CEP112: variants seen among roughly 807,000 people sequenced by gnomAD.
CEP112 encodes centrosomal protein 112, also known as centrosomal protein of 112 kDa.
A neutral mutation model predicts 153.0 loss-of-function variants in CEP112; 127 were observed. The observed-to-expected ratio is 0.83, with a 90% CI of 0.72 to 0.96. The LOEUF is 0.96. Among genes scored for constraint, CEP112 ranks in the 40% least tolerant of loss-of-function variants. CEP112 has a pLI of 0.00. For missense variants in CEP112, 1,089 were observed against 1,101.2 expected, an observed-to-expected ratio of 0.99 and a Z score of 0.16; for synonymous variants, 358 against 374.4, an observed-to-expected ratio of 0.96 and a Z score of 0.51.
chr17:66,053,791 G>T lies in CEP112; in HGVS notation c.1163C>A (p.Thr388Lys). 1.9e-6 allele frequency: 3 copies of T among 1,613,568 alleles called. 1 individual carries two copies. Among genetic ancestry groups the T allele is most frequent in the East Asian group, 2.2e-5 (1 of 44,850 alleles). ...TENIQELLED[T>K]NVRLNKMESE... ...CTCCATTTTATTCAGACGCACATTT[G>T]TATCCTCAAGCAATTCTTGAATGTT... Residue 388 changes from threonine (T) to lysine (K), a missense_variant, in exon 12 of 27, where the codon ACA becomes AAA. By Grantham distance (78) the Thr-to-Lys change is moderately conservative. Transcript: ENST00000535342.
At chr17:65,718,594 G>A (rs1204794981) in intron 23 of CEP112, among the ~76,000 whole-genome samples, 1 of 151,980 alleles carries the variant, frequency 6.6e-6, no homozygotes, top group South Asian at 2.1e-4. Flanking sequence ...TTTTGGGAGG[G>A]TTTAGTTTAG....
At chr17:65,744,916 G>A (rs747108013) in intron 22 of CEP112, among the ~76,000 whole-genome samples, 1 of 152,082 alleles carries the variant, frequency 6.6e-6, no homozygotes, top group East Asian at 1.9e-4. Context: ...AATTCTTTTG[G>A]TCCTAAGCAG....
intron 4 of CEP112, among the ~76,000 whole-genome samples, chr17:66,145,951 A>G (rs1363460357): frequency 6.6e-6 from 1 of 152,172 alleles, no homozygotes; most frequent in Admixed American, 6.5e-5. Context: ...AAATACATAA[A>G]TTTTCAAATG....
At chr17:65,828,695 AT>A (rs1271520912) in intron 21 of CEP112, among the ~76,000 whole-genome samples, 1 of 58,992 alleles carries the variant, frequency 1.7e-5, no homozygotes, top group Non-Finnish European at 3.1e-5. Flanking sequence ...TTCTTTTTTG[AT>A]TTATCAGTAT....
intron 24 of CEP112, among the ~76,000 whole-genome samples, chr17:65,660,882 C>T (rs982760136): frequency 1.3e-5 from 2 of 152,040 alleles, no homozygotes; most frequent in Non-Finnish European, 2.9e-5. Context: ...ATGTCACCAT[C>T]CTGCTTCTAG....
intron 21 of CEP112, among the ~76,000 whole-genome samples, chr17:65,777,180 C>T (rs2053728020): frequency 6.6e-6 from 1 of 152,288 alleles, no homozygotes; most frequent in African/African-American, 2.4e-5. Context: ...TTGGATTCTT[C>T]TCTGTCCACT....
chr17:66,091,220 T>C (rs1258992580), intron 8 of CEP112, among the ~76,000 whole-genome samples: 1 of 152,136 alleles, frequency 6.6e-6, no homozygotes, highest in African/African-American at 2.4e-5. Context: ...AAATGTACCA[T>C]TCAGTGGCCA....
chr17:65,790,700 G>T (rs1234009508), intron 21 of CEP112, among the ~76,000 whole-genome samples: 1 of 152,174 alleles, frequency 6.6e-6, no homozygotes, highest in Non-Finnish European at 1.5e-5. Flanking sequence ...GCTTTTCACA[G>T]TGATGCTCTA....
chr17:66,158,486 C>T (rs2071543468), intron 4 of CEP112, among the ~76,000 whole-genome samples: 1 of 152,046 alleles, frequency 6.6e-6, no homozygotes, highest in Non-Finnish European at 1.5e-5. Flanking sequence ...GTGGTGGGCG[C>T]CTGTAGTCCC....
intron 24 of CEP112, among the ~76,000 whole-genome samples, chr17:65,650,269 G>T (rs989215319): frequency 6.6e-6 from 1 of 152,106 alleles, no homozygotes; most frequent in Non-Finnish European, 1.5e-5. Context: ...AGGCACCCAG[G>T]GGGAGGGAGC....
rs201190696 is a variant in CEP112, at chr17:65,902,014, C to CAA, written c.2163+136_2163+137dup. The stretch of plus-strand genomic sequence containing the variant: ...GGGGGGGGGGTGGGGGGGAGAAAAA[C>CAA]AAAAAAAAAATCACATTTATATGTC... On this transcript the variant is annotated intron_variant, in intron 20 of 26. Coordinates refer to ENST00000535342, the MANE Select transcript of CEP112 (RefSeq NM_001199165.4). 110 of 98,746 alleles carry CAA rather than the reference C, an allele frequency of 1.1e-3. 1 individual carries two copies. Among genetic ancestry groups the CAA allele is most frequent in the South Asian group, 1.5e-3 (9 of 6,128 alleles). 6.1% of individuals were successfully genotyped at this position (98,746 alleles called of 1,614,324 possible). A position where few individuals can be genotyped will look rare whatever the true frequency, so the allele number is the denominator to read the frequency against.
At position 66,188,023 on chromosome 17, in the gene CEP112, G is replaced by C. The variant is rs913267175; in HGVS notation, c.-9+3974C>G. 2.0e-5 allele frequency among the ~76,000 whole-genome samples: 3 copies of C among 152,022 alleles called. No homozygotes were observed. The East Asian group carries it at 5.8e-4, about 29-fold the overall frequency. ...ATCTGCCTGCTTCCCTATTCTCACTGCCACGATCTCAGATAGAGGCCTGCC... is the reference window on the plus strand; with the variant it reads ...ATCTGCCTGCTTCCCTATTCTCACTCCCACGATCTCAGATAGAGGCCTGCC... On this transcript the variant is annotated intron_variant, in intron 1 of 26. Transcript: ENST00000535342.
intron 23 of CEP112, among the ~76,000 whole-genome samples, chr17:65,689,884 T>A (rs894856111): frequency 6.6e-6 from 1 of 152,112 alleles, no homozygotes; most frequent in Admixed American, 6.5e-5. Flanking sequence ...AAAGAACTTG[T>A]AGTTTCCATG....
At chr17:66,163,339 T>G (rs2071794082) in intron 4 of CEP112, among the ~76,000 whole-genome samples, 1 of 152,188 alleles carries the variant, frequency 6.6e-6, no homozygotes, top group African/African-American at 2.4e-5. Context: ...ACTTCTGATT[T>G]TCTGTCTTTT....
chr17:65,723,248 C>G (rs1337403472), intron 23 of CEP112, among the ~76,000 whole-genome samples: 1 of 152,094 alleles, frequency 6.6e-6, no homozygotes, highest in East Asian at 1.9e-4. Context: ...ACTGGCCAAA[C>G]TCGGAGACTT....
intron 18 of CEP112, among the ~76,000 whole-genome samples, chr17:65,937,547 GC>G (rs1363641872): frequency 7.1e-5 from 7 of 99,256 alleles, no homozygotes; most frequent in African/African-American, 1.1e-4. Context: ...CCGGCCAGCC[GC>G]CCCGTCCGGG....
chr17:66,017,801 C>G (rs1033517938), intron 16 of CEP112, among the ~76,000 whole-genome samples: 3 of 151,998 alleles, frequency 2.0e-5, no homozygotes, highest in African/African-American at 7.3e-5. Context: ...GAGATTGATA[C>G]CATCCTGGCT....
intron 21 of CEP112, among the ~76,000 whole-genome samples, chr17:65,758,463 T>C (rs1201123820): frequency 2.0e-5 from 3 of 152,196 alleles, no homozygotes; most frequent in African/African-American, 7.2e-5. Context: ...TATCTTAATG[T>C]GCTACCCTTT....
intron 18 of CEP112, among the ~76,000 whole-genome samples, chr17:65,933,538 A>T (rs1450252319): frequency 6.6e-6 from 1 of 152,226 alleles, no homozygotes; most frequent in Non-Finnish European, 1.5e-5. Context: ...ATATATACTC[A>T]AAGTACTGAA....
Sources: allele counts gnomAD v4.1 joint callset (sites outside exome capture counted in the v4.1 genomes callset), GRCh38; gene constraint gnomAD v4.1.1; transcripts MANE v1.5; gene names NCBI Gene and HGNC (gene_info 2026-07-23, HGNC 2026-07-21).